The following PIR variants were observed in gnomAD, a reference collection of about 807,000 sequenced individuals.
The protein encoded by PIR is pirin (iron-binding nuclear protein).
A neutral mutation model predicts 24.2 loss-of-function variants in PIR; 22 were observed. The ratio of observed to expected loss-of-function variants is 0.91; its 90% CI spans 0.65 to 1.30. The LOEUF (loss-of-function observed/expected upper bound fraction) is 1.30, where lower values mean the gene tolerates loss of function less well. Among genes scored for constraint, PIR ranks in the 50% most tolerant of loss-of-function variants. The probability of loss-of-function intolerance (pLI) is 0.00; values close to 1 mark genes in which losing one functional copy is unlikely to be tolerated. For missense variants in PIR, 220 were observed against 220.3 expected (o/e 1.00, Z 0.01); for synonymous variants, 80 against 79.6 (o/e 1.00, Z -0.03).
chrX:15,443,687 T>C (rs1925995668), intron 5 of PIR, among the ~76,000 whole-genome samples: 1 of 111,884 alleles, frequency 8.9e-6, no homozygotes, highest in Non-Finnish European at 1.9e-5. Flanking sequence ...CTAGATGCCA[T>C]TGAGAACATT....
chrX:15,391,660 A>G (rs1923963463), intron 8 of PIR, among the ~76,000 whole-genome samples: 2 of 111,811 alleles, frequency 1.8e-5, no homozygotes, highest in South Asian at 3.7e-4. Context: ...ATACACTTCT[A>G]TGTGGTGTTT....
In PIR at chrX:15,470,792, G is replaced by A. The variant is rs1409802773; in HGVS notation, c.189+8937C>T. Among the ~76,000 whole-genome samples the A allele has an allele frequency of 1.7e-4, 19 of 109,618 alleles. No individual in the cohort carries two copies. The Admixed American group carries it at 1.7e-3, about 10-fold the overall frequency. ...AATTTTTTGTATTTTCAGTAGAGAC[G>A]GGGTTTCACCATGTTGGCCAGGCTG... On this transcript the variant is annotated intron_variant, in intron 3 of 9. Coordinates refer to ENST00000380420, the MANE Select transcript of PIR (RefSeq NM_001018109.3).
intron 8 of PIR, among the ~76,000 whole-genome samples, chrX:15,394,652 C>T (rs1924068437): frequency 8.9e-6 from 1 of 111,759 alleles, no homozygotes; most frequent in African/African-American, 3.3e-5. Context: ...AAACCATCAT[C>T]TTAAGAGAAA....
intron 2 of PIR, among the ~76,000 whole-genome samples, chrX:15,490,954 T>C (rs1350358150): frequency 8.9e-6 from 1 of 112,079 alleles, no homozygotes; most frequent in African/African-American, 3.3e-5. Context: ...TCAGCTGCAC[T>C]TTCTGCCCAA....
intron 2 of PIR, among the ~76,000 whole-genome samples, chrX:15,482,343 A>G (rs1280109700): frequency 9.0e-6 from 1 of 111,537 alleles, no homozygotes; most frequent in Non-Finnish European, 1.9e-5. Flanking sequence ...TTTTACATAG[A>G]TTGCTTTATA....
At chrX:15,389,552 A>G (rs1277204941) in intron 9 of PIR, among the ~76,000 whole-genome samples, 1 of 111,378 alleles carries the variant, frequency 9.0e-6, no homozygotes, top group East Asian at 2.8e-4. Flanking sequence ...TAAATAATAA[A>G]ATGGGTTTTA....
At chrX:15,399,942 G>T (rs765721006) in intron 7 of PIR, among the ~76,000 whole-genome samples, 1 of 111,691 alleles carries the variant, frequency 9.0e-6, no homozygotes, top group Non-Finnish European at 1.9e-5. Flanking sequence ...TAGTGTGCTG[G>T]ATAATGTTTA....
intron 6 of PIR, among the ~76,000 whole-genome samples, chrX:15,422,168 T>C (rs1486608053): frequency 9.0e-6 from 1 of 110,802 alleles, no homozygotes; most frequent in Non-Finnish European, 1.9e-5. Context: ...AAAGGCCTTA[T>C]TATGACAAAC....
At chrX:15,407,777 T>A in intron 6 of PIR, 1 of 390,132 alleles carries the variant, frequency 2.6e-6, no homozygotes, top group Non-Finnish European at 4.5e-6. Context: ...AATGACTTGG[T>A]CCCAAATATT....
At chrX:15,472,867 G>C (rs1476748178) in intron 3 of PIR, among the ~76,000 whole-genome samples, 1 of 112,303 alleles carries the variant, frequency 8.9e-6, no homozygotes, top group East Asian at 2.8e-4. Flanking sequence ...ACTATAACAT[G>C]TATTTTGTAA....
chrX:15,459,914 TAAA>T lies in PIR; in HGVS notation c.190-177_190-175del, dbSNP rs56263338. Among the ~76,000 whole-genome samples the T allele has an allele frequency of 6.4e-3, 613 of 95,363 alleles. 5 individuals are homozygous for T. The highest frequency in any genetic ancestry group is 0.022 in the African/African-American group (587 of 26,113). The allele number at this position is 95,363 out of a possible 115,157, so 82.8% of individuals were successfully genotyped here. On this transcript the variant is annotated intron_variant, in intron 3 of 9. Transcript: ENST00000380420. ...CCCATTCCGTGAGTTGCCTTTTCAT[TAAA>T]AAAAAAAAAAAAATAGGCAAAGGAC...
At chrX:15,389,377 T>C (rs1308166623) in intron 9 of PIR, among the ~76,000 whole-genome samples, 1 of 111,727 alleles carries the variant, frequency 9.0e-6, no homozygotes, top group Non-Finnish European at 1.9e-5. Flanking sequence ...AAAAAGAATA[T>C]TTTTAAAGCA....
chrX:15,390,593 T>C (rs1435528492), intron 8 of PIR, among the ~76,000 whole-genome samples: 2 of 111,720 alleles, frequency 1.8e-5, no homozygotes, highest in Non-Finnish European at 3.8e-5. Flanking sequence ...TCAGTTACCA[T>C]ATAATTTTTA....
intron 5 of PIR, among the ~76,000 whole-genome samples, chrX:15,453,836 G>A (rs893311015): frequency 2.7e-5 from 3 of 111,868 alleles, no homozygotes; most frequent in African/African-American, 9.7e-5. Flanking sequence ...CTAAGGATTC[G>A]TGATATCACT....
In PIR at chrX:15,491,283, T is replaced by C. The variant is rs143071646; in HGVS notation, c.-26A>G. 1.1e-5 allele frequency: 11 copies of C among 1,039,882 alleles called. No individual in the cohort carries two copies. In the African/African-American group the frequency reaches 2.1e-4, roughly 20 times the overall value. 85.7% of individuals were successfully genotyped at this position (1,039,882 alleles called of 1,213,427 possible). A position where few individuals can be genotyped will look rare whatever the true frequency, so the allele number is the denominator to read the frequency against. On this transcript the variant is annotated 5_prime_UTR_variant, in exon 2 of 10. Coordinates refer to ENST00000380420, the MANE Select transcript of PIR (RefSeq NM_001018109.3). ...ATCGGAGTCTAAAAAGAGAGTGTTC[T>C]GATGCTGAGCTGTAGAGGATGGAGG...
chrX:15,447,743 T>A (rs765368465), intron 5 of PIR, among the ~76,000 whole-genome samples: 1 of 112,150 alleles, frequency 8.9e-6, no homozygotes, highest in Admixed American at 9.4e-5. Context: ...TTTCTGTGGT[T>A]AGAAAAAATA....
chrX:15,475,269 GAC>G (rs1258246935), intron 3 of PIR, among the ~76,000 whole-genome samples: 1 of 111,373 alleles, frequency 9.0e-6, no homozygotes, highest in African/African-American at 3.3e-5. Context: ...TTTTCTGATG[GAC>G]ACACCCTTGG....
intron 6 of PIR, among the ~76,000 whole-genome samples, chrX:15,410,955 A>G (rs1282186437): frequency 8.9e-6 from 1 of 112,484 alleles, no homozygotes; most frequent in African/African-American, 3.2e-5. Flanking sequence ...AATGCTTACT[A>G]TATGTTTAAC....
intron 8 of PIR, among the ~76,000 whole-genome samples, chrX:15,394,594 A>T (rs1924065349): frequency 9.0e-6 from 1 of 111,329 alleles, no homozygotes; most frequent in African/African-American, 3.3e-5. Context: ...GGTGAGATGG[A>T]GCCTTTCATA....
Sources: allele counts gnomAD v4.1 joint callset (sites outside exome capture counted in the v4.1 genomes callset), GRCh38; gene constraint gnomAD v4.1.1; transcripts MANE v1.5; gene names NCBI Gene and HGNC (gene_info 2026-07-23, HGNC 2026-07-21).